JAKMIP2: variants seen among roughly 807,000 people sequenced by gnomAD.
The protein encoded by JAKMIP2 is janus kinase and microtubule-interacting protein 2.
JAKMIP2 carries 25 observed loss-of-function variants against 115.0 expected under a neutral mutation model. That is an observed-to-expected ratio of 0.22 (90% CI 0.16 to 0.30). The LOEUF (loss-of-function observed/expected upper bound fraction) is 0.30. JAKMIP2 is among the 10% of genes least tolerant of loss of function. JAKMIP2 has a pLI of 1.00. For missense variants in JAKMIP2, 642 were observed against 957.6 expected, an observed-to-expected ratio of 0.67 and a Z score of 4.35; for synonymous variants, 334 against 343.6, an observed-to-expected ratio of 0.97 and a Z score of 0.31.
intron 21 of JAKMIP2, among the ~76,000 whole-genome samples, chr5:147,599,447 T>A (rs1412195625): frequency 6.6e-6 from 1 of 152,220 alleles, no homozygotes; most frequent in Non-Finnish European, 1.5e-5. Flanking sequence ...ATATGCAATA[T>A]ATTTATTGCC....
chr5:147,659,825 G>A (rs1410849719), intron 3 of JAKMIP2, among the ~76,000 whole-genome samples: 1 of 151,976 alleles, frequency 6.6e-6, no homozygotes, highest in Non-Finnish European at 1.5e-5. Context: ...CAGAAAATGT[G>A]GCAATGGCAA....
intron 3 of JAKMIP2, among the ~76,000 whole-genome samples, chr5:147,651,099 G>A (rs987658451): frequency 1.3e-5 from 2 of 151,990 alleles, no homozygotes; most frequent in African/African-American, 2.4e-5. Flanking sequence ...GTCCTTCCAC[G>A]GTTCATGTGT....
At chr5:147,609,002 C>CTT (rs138342968) in intron 20 of JAKMIP2, among the ~76,000 whole-genome samples, 140,573 of 148,764 alleles carry the variant, frequency 0.94, 66,802 homozygotes, top group South Asian at 1. Context: ...GCAACCCCAG[C>CTT]TTTTTTTTTG....
At chr5:147,615,985 T>G (rs1040122582) in intron 19 of JAKMIP2, among the ~76,000 whole-genome samples, 2 of 151,882 alleles carry the variant, frequency 1.3e-5, no homozygotes, top group Non-Finnish European at 2.9e-5. Flanking sequence ...GAAATGCCAG[T>G]TGGATGTGGT....
chr5:147,679,382 A>T (rs925448964), intron 1 of JAKMIP2, among the ~76,000 whole-genome samples: 1 of 152,216 alleles, frequency 6.6e-6, no homozygotes, highest in Non-Finnish European at 1.5e-5. Context: ...CTATTTACTG[A>T]GTACTCTTCT....
chr5:147,763,640 G>C (rs908749180), intron 1 of JAKMIP2, among the ~76,000 whole-genome samples: 1 of 152,096 alleles, frequency 6.6e-6, no homozygotes, highest in Non-Finnish European at 1.5e-5. Flanking sequence ...AGAGGAATCT[G>C]AAACTGAAAT....
At chr5:147,682,283 G>A (rs1760328164) in intron 1 of JAKMIP2, among the ~76,000 whole-genome samples, 2 of 152,178 alleles carry the variant, frequency 1.3e-5, no homozygotes. Flanking sequence ...GAGGTAAGCA[G>A]TGGCAGATGG....
intron 1 of JAKMIP2, among the ~76,000 whole-genome samples, chr5:147,756,256 T>A (rs1754738926): frequency 6.6e-6 from 1 of 152,170 alleles, no homozygotes; most frequent in Non-Finnish European, 1.5e-5. Context: ...ACAACTTGTA[T>A]TTGTGTTGTC....
intron 3 of JAKMIP2, among the ~76,000 whole-genome samples, chr5:147,650,898 C>G (rs1554076000): frequency 6.6e-6 from 1 of 152,178 alleles, no homozygotes; most frequent in Non-Finnish European, 1.5e-5. Flanking sequence ...ATATTCCACT[C>G]TAATGTTTCC....
chr5:147,621,897 C>A (rs757044783), intron 17 of JAKMIP2, among the ~76,000 whole-genome samples: 18 of 151,994 alleles, frequency 1.2e-4, no homozygotes, highest in Non-Finnish European at 1.8e-4. Context: ...GACAGAGCTT[C>A]GCTCTTGTTG....
At chr5:147,733,424 G>A (rs759463787) in intron 1 of JAKMIP2, among the ~76,000 whole-genome samples, 3 of 152,012 alleles carry the variant, frequency 2.0e-5, no homozygotes, top group African/African-American at 7.2e-5. Flanking sequence ...TTCTGGTCAG[G>A]CACTTCACTC....
intron 1 of JAKMIP2, among the ~76,000 whole-genome samples, chr5:147,775,137 G>A (rs930711767): frequency 5.9e-5 from 9 of 152,130 alleles, no homozygotes; most frequent in African/African-American, 1.9e-4. Flanking sequence ...TTAGACACCC[G>A]TAGAAATCAC....
intron 21 of JAKMIP2, among the ~76,000 whole-genome samples, chr5:147,597,226 C>T (rs1365000296): frequency 1.3e-5 from 2 of 152,044 alleles, no homozygotes; most frequent in Non-Finnish European, 2.9e-5. Flanking sequence ...AGAGACTGGT[C>T]ATGTGGCCAT....
intron 21 of JAKMIP2, among the ~76,000 whole-genome samples, chr5:147,593,291 T>A (rs1277261475): frequency 6.6e-6 from 1 of 152,230 alleles, no homozygotes; most frequent in African/African-American, 2.4e-5. Flanking sequence ...AATAGGGCAG[T>A]GGGCATCCCC....
chr5:147,776,434 T>C (rs1014622459), intron 1 of JAKMIP2, among the ~76,000 whole-genome samples: 1 of 152,186 alleles, frequency 6.6e-6, no homozygotes, highest in Non-Finnish European at 1.5e-5. Flanking sequence ...TTGCTTTCTC[T>C]TCTGCCATGA....
chr5:147,637,077 C>A (rs777683383), intron 10 of JAKMIP2, 29 bp from the exon 11 acceptor site: 1 of 870,674 alleles, frequency 1.1e-6, no homozygotes, highest in Non-Finnish European at 2.0e-6. Context: ...CAGAACTCAG[C>A]AAGTAAAATG....
chr5:147,659,121 T>G (rs1169619040), intron 3 of JAKMIP2, among the ~76,000 whole-genome samples: 1 of 150,570 alleles, frequency 6.6e-6, no homozygotes, highest in African/African-American at 2.4e-5. Context: ...TGCAGCTCAG[T>G]GCCTGCTCAA....
chr5:147,692,575 C>T (rs1429350247), intron 1 of JAKMIP2, among the ~76,000 whole-genome samples: 1 of 152,174 alleles, frequency 6.6e-6, no homozygotes, highest in African/African-American at 2.4e-5. Context: ...ATATTTATCT[C>T]TCCCACTAAA....
At chr5:147,689,322 G>A (rs967809118) in intron 1 of JAKMIP2, among the ~76,000 whole-genome samples, 17 of 152,168 alleles carry the variant, frequency 1.1e-4, no homozygotes, top group Admixed American at 1.1e-3. Flanking sequence ...TGGGTAGGAA[G>A]CCACAGGAGG....
Sources: gnomAD v4.1 joint callset for allele counts (sites outside exome capture counted in the v4.1 genomes callset) on GRCh38, gnomAD v4.1.1 for gene constraint, MANE v1.5 for transcripts, NCBI Gene and HGNC (gene_info 2026-07-23, HGNC 2026-07-21) for gene names.